TENM1: variants seen among roughly 807,000 people sequenced by gnomAD.
TENM1 encodes teneurin transmembrane protein 1.
A neutral mutation model predicts 174.8 loss-of-function variants in TENM1; 35 were observed. The ratio of observed to expected loss-of-function variants is 0.20; its 90% CI spans 0.15 to 0.27. The LOEUF is 0.27. Ranked by LOEUF, TENM1 falls within the 10% of genes least tolerant of loss-of-function variation. The pLI is 1.00. For synonymous variants in TENM1, 781 were observed against 798.7 expected, an observed-to-expected ratio of 0.98 and a Z score of 0.37; for missense variants, 1,633 against 2,130.1, an observed-to-expected ratio of 0.77 and a Z score of 4.59.
intron 27 of TENM1, among the ~76,000 whole-genome samples, chrX:124,401,685 C>T (rs1177047498): frequency 8.9e-6 from 1 of 111,830 alleles, no homozygotes; most frequent in East Asian, 2.8e-4. Flanking sequence ...TTTGCTTTGT[C>T]AAAATTGGAT....
intron 3 of TENM1, among the ~76,000 whole-genome samples, chrX:124,757,541 C>T (rs1016923569): frequency 4.4e-5 from 5 of 112,573 alleles, no homozygotes; most frequent in African/African-American, 1.6e-4. Flanking sequence ...GTGAGATGAA[C>T]CCGGTACCTC....
At chrX:124,582,234 A>G (rs1294947307) in intron 11 of TENM1, among the ~76,000 whole-genome samples, 2 of 112,374 alleles carry the variant, frequency 1.8e-5, no homozygotes, top group Non-Finnish European at 3.8e-5. Context: ...TTAAGGCTGC[A>G]TAGTATTCCA....
chrX:124,404,160 T>A lies in TENM1; in HGVS notation c.5391+871A>T, dbSNP rs146850886. 1.0e-2 allele frequency among the ~76,000 whole-genome samples: 1,117 copies of A among 111,844 alleles called. 12 individuals are homozygous for A. The highest frequency in any genetic ancestry group is 0.033 in the African/African-American group (1,019 of 30,773). On this transcript the variant is annotated intron_variant, in intron 27 of 31. Coordinates refer to ENST00000422452, the Ensembl canonical transcript of TENM1. ...TTTTGCGGCACCGAAACTTTATATATAACAGAAACCTTCCCGGTATATCAG... is the reference window on the plus strand; with the variant it reads ...TTTTGCGGCACCGAAACTTTATATAAAACAGAAACCTTCCCGGTATATCAG...
chrX:124,557,455 C>T (rs2048719466), intron 14 of TENM1, among the ~76,000 whole-genome samples: 2 of 97,080 alleles, frequency 2.1e-5, no homozygotes, highest in South Asian at 5.8e-4. Context: ...AGATCTATCA[C>T]CACTTTTTTT....
the TENM1 span, among the ~76,000 whole-genome samples, chrX:124,974,315 C>T: frequency 9.0e-6 from 1 of 111,667 alleles, no homozygotes; most frequent in Non-Finnish European, 1.9e-5. Flanking sequence ...AACACATAAA[C>T]TTTGGAGGAC....
intron 1 of TENM1, among the ~76,000 whole-genome samples, chrX:124,926,530 G>A (rs1390682777): frequency 3.6e-5 from 4 of 111,478 alleles, no homozygotes; most frequent in Admixed American, 1.9e-4. Flanking sequence ...CTACTAGAAT[G>A]TAAGTTTACA....
chrX:124,447,006 T>C (rs2060972655), intron 23 of TENM1, among the ~76,000 whole-genome samples: 1 of 111,958 alleles, frequency 8.9e-6, no homozygotes, highest in Non-Finnish European at 1.9e-5. Flanking sequence ...GCAGAAACAA[T>C]GCACTCTCAT....
At chrX:125,047,963 A>T in the TENM1 span, among the ~76,000 whole-genome samples, 3 of 111,461 alleles carry the variant, frequency 2.7e-5, no homozygotes, top group African/African-American at 9.8e-5. Flanking sequence ...TAGTAGCTTC[A>T]GGACAAGAGG....
intron 3 of TENM1, among the ~76,000 whole-genome samples, chrX:124,752,081 T>C (rs775937221): frequency 1.6e-3 from 174 of 111,034 alleles, no homozygotes; most frequent in Non-Finnish European, 2.4e-3. Flanking sequence ...ACTTCCACAA[T>C]GGTTGAACTA....
chrX:124,741,228 C>T (rs1023661539), intron 3 of TENM1, among the ~76,000 whole-genome samples: 30 of 111,680 alleles, frequency 2.7e-4, no homozygotes, highest in African/African-American at 9.4e-4. Context: ...AAACGTGTCA[C>T]GCATAGTTTT....
At chrX:125,186,887 T>C in the TENM1 span, among the ~76,000 whole-genome samples, 2 of 112,260 alleles carry the variant, frequency 1.8e-5, no homozygotes, top group African/African-American at 6.5e-5. Flanking sequence ...ACTAATTTAC[T>C]CCACTTGAGA....
At chrX:125,068,512 C>A in the TENM1 span, among the ~76,000 whole-genome samples, 1 of 111,574 alleles carries the variant, frequency 9.0e-6, no homozygotes, top group South Asian at 3.7e-4. Context: ...ATTAATTTTT[C>A]AAATATGTTA....
At chrX:124,759,113 A>T (rs963663059) in intron 3 of TENM1, among the ~76,000 whole-genome samples, 2 of 111,577 alleles carry the variant, frequency 1.8e-5, no homozygotes, top group East Asian at 2.8e-4. Flanking sequence ...TAATTGAATA[A>T]ATAATTCAAT....
chrX:124,499,297 C>T (rs1336495381), intron 19 of TENM1, among the ~76,000 whole-genome samples: 1 of 111,598 alleles, frequency 9.0e-6, no homozygotes. Context: ...AGGAACATTG[C>T]TGGCAAAAAT....
intron 15 of TENM1, among the ~76,000 whole-genome samples, chrX:124,544,967 C>T (rs1410877272): frequency 1.8e-5 from 2 of 112,114 alleles, no homozygotes; most frequent in Non-Finnish European, 3.8e-5. Context: ...ATGTAAGAGA[C>T]TGTAGCTATT....
intron 3 of TENM1, among the ~76,000 whole-genome samples, chrX:124,792,029 A>ATATTTCCTCTC (rs1359942747): frequency 9.0e-6 from 1 of 110,705 alleles, no homozygotes; most frequent in Admixed American, 9.6e-5. Context: ...TCTCTGGGAA[A>ATATTTCCTCTC]CACCCGACCT....
At chrX:124,594,734 T>C (rs762303355) in intron 11 of TENM1, among the ~76,000 whole-genome samples, 3 of 112,359 alleles carry the variant, frequency 2.7e-5, no homozygotes, top group Non-Finnish European at 5.6e-5. Flanking sequence ...ACAAAACTAA[T>C]GACTATGAAC....
chrX:124,468,463 A>ACCGCGC (rs1303822482), intron 22 of TENM1, among the ~76,000 whole-genome samples: 1 of 112,566 alleles, frequency 8.9e-6, no homozygotes, highest in Non-Finnish European at 1.9e-5. Context: ...GGCGTCAGCC[A>ACCGCGC]CCGCGCCCGC....
At chrX:124,466,939 C>T (rs901067698) in intron 22 of TENM1, among the ~76,000 whole-genome samples, 1 of 111,434 alleles carries the variant, frequency 9.0e-6, no homozygotes, top group Non-Finnish European at 1.9e-5. Flanking sequence ...CAAAGCAGAC[C>T]TATCAATCTA....
Sources: gnomAD v4.1 joint callset for allele counts (sites outside exome capture counted in the v4.1 genomes callset) on GRCh38, gnomAD v4.1.1 for gene constraint, MANE v1.5 for transcripts, NCBI Gene and HGNC (gene_info 2026-07-23, HGNC 2026-07-21) for gene names.